The following DCAF5 variants were observed in gnomAD, a reference collection of about 807,000 sequenced individuals.
The protein encoded by DCAF5 is DDB1- and CUL4-associated factor 5.
DCAF5 carries 9 observed loss-of-function variants against 80.7 expected under a neutral mutation model. The ratio of observed to expected loss-of-function variants is 0.11; its 90% confidence interval spans 0.07 to 0.19. DCAF5 has a LOEUF of 0.19. Among genes scored for constraint, DCAF5 ranks in the 10% least tolerant of loss-of-function variants. The pLI is 1.00. For synonymous variants in DCAF5, 433 were observed against 461.9 expected (o/e 0.94, Z 0.80); for missense variants, 842 against 1,205.7 (o/e 0.70, Z 4.47).
chr14:69,098,727 CAAAAA>C (rs35501979), intron 5 of DCAF5, among the ~76,000 whole-genome samples: 1 of 92,522 alleles, frequency 1.1e-5, no homozygotes, highest in African/African-American at 4.5e-5. Context: ...ACTAAAAATA[CAAAAA>C]AAAAAAAAAA....
In DCAF5 at chr14:69,055,961, T is replaced by C. The variant is rs1373491782; in HGVS notation, c.1075-350A>G. Among the ~76,000 whole-genome samples, 1 of 152,186 alleles carries C rather than the reference T, an allele frequency of 6.6e-6. No homozygotes were observed. Among genetic ancestry groups the C allele is most frequent in the Non-Finnish European group, 1.5e-5 (1 of 68,030 alleles). On this transcript the variant is annotated intron_variant, in intron 8 of 8. Transcript: ENST00000341516. This position sits in a 1 kb window ranked among gnomAD's most constrained non-coding sequence, Gnocchi z 5.6. ...TTCATCTATTAGTAGTTGGACATTA[T>C]AATAATAATCCTGGAGAATAGAGGA...
At chr14:69,130,826 C>T (rs1240534739) in intron 1 of DCAF5, among the ~76,000 whole-genome samples, 2 of 152,150 alleles carry the variant, frequency 1.3e-5, no homozygotes, top group African/African-American at 2.4e-5. Context: ...TAGAAGGGTA[C>T]AGGAAGTGCA....
At position 69,051,334 on chromosome 14, in the gene DCAF5, TAA is replaced by T. The variant is rs1349882034; in HGVS notation, c.*2521_*2522del. ...GCCATCAAAGTTGGGGCCTCAATTC[TAA>T]AAGAGTTTAGGCAAAGGTACTCTAG... On this transcript the variant is annotated 3_prime_UTR_variant, in exon 9 of 9. Transcript: ENST00000341516. The T allele has an allele frequency of 6.6e-6, 1 of 152,640 alleles. No individual in the cohort carries two copies. The highest frequency in any genetic ancestry group is 1.5e-5 in the Non-Finnish European group (1 of 68,040). The allele number at this position is 152,640 out of a possible 1,614,324, so 9.5% of individuals were successfully genotyped here. A position where few individuals can be genotyped will look rare whatever the true frequency, so the allele number is the denominator to read the frequency against.
intron 2 of DCAF5, among the ~76,000 whole-genome samples, 174 bp downstream of exon 2, chr14:69,122,043 C>A (rs1033845823): frequency 1.3e-5 from 2 of 152,090 alleles, no homozygotes; most frequent in Admixed American, 1.3e-4. Flanking sequence ...AGAGAAAAGA[C>A]ACACACTATC....
At chr14:69,099,980 T>C (rs778218310) in intron 5 of DCAF5, among the ~76,000 whole-genome samples, 1 of 152,124 alleles carries the variant, frequency 6.6e-6, no homozygotes, top group Non-Finnish European at 1.5e-5. Flanking sequence ...AGGAAAATTA[T>C]TTAAGCTTTA....
At chr14:69,123,993 C>T (rs932906740) in intron 1 of DCAF5, among the ~76,000 whole-genome samples, 11 of 152,274 alleles carry the variant, frequency 7.2e-5, no homozygotes, top group African/African-American at 2.6e-4. Context: ...TCACTGTGCC[C>T]GGCCAAGTAG....
intron 5 of DCAF5, among the ~76,000 whole-genome samples, chr14:69,105,914 C>CACATATATATATATATAT: frequency 2.0e-5 from 1 of 50,014 alleles, no homozygotes. Flanking sequence ...AATAAACTGT[C>CACATATATATATATATAT]ATATATATAT....
Position 69,077,365 on chromosome 14 carries a change from CTTATTTATTTAT to C in DCAF5, c.880-1966_880-1955del, listed in dbSNP as rs71953676. Reference sequence around the variant, plus strand: ...CACAGGCATGCACCACGACATGTAGCTTATTTATTTATTTATTTATTTATTTATTTATTTATT... The same window carrying C: ...CACAGGCATGCACCACGACATGTAGCTTATTTATTTATTTATTTATTTATT... On this transcript the variant is annotated intron_variant, in intron 6 of 8. Transcript: ENST00000341516. Among the ~76,000 whole-genome samples the C allele has an allele frequency of 4.4e-4, 64 of 144,016 alleles. 1 individual carries two copies. The East Asian group carries it at 6.1e-3, about 14-fold the overall frequency. 94.5% of individuals were successfully genotyped at this position (144,016 alleles called of 152,430 possible).
intron 1 of DCAF5, among the ~76,000 whole-genome samples, chr14:69,138,036 CTAAGGCA>C (rs1200132745): frequency 1.3e-5 from 2 of 151,880 alleles, no homozygotes; most frequent in Admixed American, 1.3e-4. Flanking sequence ...TACTGTATGT[CTAAGGCA>C]AAGCACACAC....
intron 8 of DCAF5, among the ~76,000 whole-genome samples, chr14:69,061,810 G>A (rs565661938): frequency 6.6e-6 from 1 of 152,278 alleles, no homozygotes; most frequent in East Asian, 1.9e-4. Context: ...AGCATACAAG[G>A]TAGTGTCTAG....
At chr14:69,104,065 C>T (rs903687198) in intron 5 of DCAF5, among the ~76,000 whole-genome samples, 3 of 152,122 alleles carry the variant, frequency 2.0e-5, no homozygotes, top group Non-Finnish European at 4.4e-5. Context: ...CATTCATGTA[C>T]AAGTTTCTGT....
intron 1 of DCAF5, among the ~76,000 whole-genome samples, chr14:69,125,929 T>C (rs1184117239): frequency 4.6e-5 from 7 of 152,108 alleles, no homozygotes; most frequent in Admixed American, 4.6e-4. Flanking sequence ...AGTGTATCTG[T>C]AGTGTTTCTT....
intron 7 of DCAF5, among the ~76,000 whole-genome samples, chr14:69,074,762 G>A (rs771909285): frequency 6.6e-5 from 10 of 152,098 alleles, no homozygotes; most frequent in Non-Finnish European, 1.0e-4. Context: ...GGCTGGGTGC[G>A]GTGGCTCACA....
intron 5 of DCAF5, among the ~76,000 whole-genome samples, chr14:69,096,587 A>G (rs1425414249): frequency 6.6e-6 from 1 of 152,174 alleles, no homozygotes; most frequent in Non-Finnish European, 1.5e-5. Context: ...CAGAACAGGA[A>G]CATGCCCAGA....
At position 69,062,934 on chromosome 14, in the gene DCAF5, A is replaced by T. The variant is rs2038274248; in HGVS notation, c.947-423T>A. Among the ~76,000 whole-genome samples, 3 of 152,226 alleles carry T rather than the reference A, an allele frequency of 2.0e-5. No homozygotes were observed. In the South Asian group the frequency reaches 6.2e-4, roughly 32 times the overall value. ...AGAACCAGAAGCATATAATGACTTA[A>T]ATGTACAAAAAACATCTCTAATCCA... On this transcript the variant is annotated intron_variant, in intron 7 of 8. Transcript: ENST00000341516.
rs753504955 is a variant in DCAF5 at position 69,152,982 on chromosome 14, G to C, written c.-4C>G. 2.4e-5 allele frequency: 37 copies of C among 1,564,404 alleles called. No individual in the cohort carries two copies. The highest frequency in any genetic ancestry group is 1.8e-5 in the Non-Finnish European group (21 of 1,160,022). On this transcript the variant is annotated 5_prime_UTR_variant, in exon 1 of 9. Coordinates refer to ENST00000341516, the MANE Select transcript of DCAF5 (RefSeq NM_003861.3). The surrounding 1 kb of genome is among the most constrained non-coding windows in gnomAD (Gnocchi z 4.1). Reference sequence around the variant, plus strand: ...CCAGGCCAGCTCTCCTCTTCATGCTGGAACCGCCGCCGCCGCCGCTCGCGC... The same window carrying C: ...CCAGGCCAGCTCTCCTCTTCATGCTCGAACCGCCGCCGCCGCCGCTCGCGC...
chr14:69,102,615 C>CACACACACACACACACACACACACAT (rs1442126773), intron 5 of DCAF5, among the ~76,000 whole-genome samples: 1 of 147,688 alleles, frequency 6.8e-6, no homozygotes, highest in Non-Finnish European at 1.5e-5. Context: ...CACACACACA[C>CACACACACACACACACACACACACAT]ACACATATTA....
chr14:69,092,926 T>G lies in DCAF5; in HGVS notation c.666-1039A>C, dbSNP rs149840500. Among the ~76,000 whole-genome samples, 21 of 152,366 alleles carry G rather than the reference T, an allele frequency of 1.4e-4. No homozygotes were observed. The East Asian group carries it at 3.9e-3, about 28-fold the overall frequency. ...AAAGAGTACTATGTTCTGGTTCACCTAATATTCTTCTGCAGTTTCATAAGA... is the reference window on the plus strand; with the variant it reads ...AAAGAGTACTATGTTCTGGTTCACCGAATATTCTTCTGCAGTTTCATAAGA... On this transcript the variant is annotated intron_variant, in intron 5 of 8. Coordinates refer to ENST00000341516, the MANE Select transcript of DCAF5 (RefSeq NM_003861.3).
intron 8 of DCAF5, among the ~76,000 whole-genome samples, chr14:69,057,056 G>C (rs1035711746): frequency 2.6e-5 from 4 of 152,200 alleles, no homozygotes; most frequent in Non-Finnish European, 5.9e-5. Context: ...TGATTCCTCA[G>C]TCCCACTCTT....
Sources: gnomAD v4.1 joint callset for allele counts (sites outside exome capture counted in the v4.1 genomes callset) on GRCh38, gnomAD v4.1.1 for gene constraint, Gnocchi (gnomAD v3.1) non-coding constraint, MANE v1.5 for transcripts, NCBI Gene and HGNC (gene_info 2026-07-23, HGNC 2026-07-21) for gene names.